The following KCNG3 variants were observed in gnomAD, a reference collection of about 807,000 sequenced individuals.
KCNG3 encodes potassium voltage-gated channel modifier subfamily G member 3, also known as voltage-gated potassium channel regulatory subunit KCNG3.
KCNG3 carries 15 observed loss-of-function variants against 29.0 expected under a neutral mutation model. That is an observed-to-expected ratio of 0.52 (90% CI 0.35 to 0.80). The LOEUF is 0.80. Ranked by LOEUF, KCNG3 falls within the 30% of genes least tolerant of loss-of-function variation. KCNG3 has a pLI of 0.01. For synonymous variants in KCNG3, 322 were observed against 248.9 expected (o/e 1.29, Z -2.76); for missense variants, 512 against 605.7 (o/e 0.85, Z 1.62).
chr2:42,447,288 A>G (rs562974882), intron 1 of KCNG3, among the ~76,000 whole-genome samples: 2 of 150,726 alleles, frequency 1.3e-5, no homozygotes, highest in East Asian at 3.9e-4. Flanking sequence ...ATATACATAC[A>G]GATACATACA....
the KCNG3 span, among the ~76,000 whole-genome samples, chr2:42,394,480 C>A: frequency 2.0e-5 from 3 of 152,342 alleles, no homozygotes; most frequent in South Asian, 6.2e-4. Context: ...GTCACACCTA[C>A]ACCCTTCTCA....
chr2:42,459,079 C>T (rs1672948244), intron 1 of KCNG3, among the ~76,000 whole-genome samples: 1 of 151,978 alleles, frequency 6.6e-6, no homozygotes, highest in South Asian at 2.1e-4. Flanking sequence ...GCCTGTAATC[C>T]CAGATACTCG....
chr2:42,395,420 G>A, the KCNG3 span, among the ~76,000 whole-genome samples: 1 of 152,142 alleles, frequency 6.6e-6, no homozygotes, highest in South Asian at 2.1e-4. Context: ...AAGGAGTTGG[G>A]GCCAGGCGCG....
intron 1 of KCNG3, chr2:42,463,862 G>A (rs1673079897): frequency 3.6e-6 from 1 of 277,546 alleles, no homozygotes; most frequent in Non-Finnish European, 7.2e-6. Context: ...AGTGTTGGCT[G>A]AGCCTAGTTT....
chr2:42,452,243 A>ATATATATATATTTTTTTTTT, intron 1 of KCNG3, among the ~76,000 whole-genome samples: 1 of 95,066 alleles, frequency 1.1e-5, no homozygotes. Context: ...ATATATATAT[A>ATATATATATATTTTTTTTTT]TTTTTTTTTT....
chr2:42,477,014 T>A (rs1673442967), intron 1 of KCNG3, among the ~76,000 whole-genome samples: 1 of 141,634 alleles, frequency 7.1e-6, no homozygotes, highest in African/African-American at 2.6e-5. Context: ...TGAAACCCCG[T>A]CTCTACTAAA....
chr2:42,473,352 T>A (rs1201211671), intron 1 of KCNG3, among the ~76,000 whole-genome samples: 1 of 151,966 alleles, frequency 6.6e-6, no homozygotes. Context: ...TGTTTCTTTT[T>A]TTTTTGTTTG....
chr2:42,395,273 A>C, the KCNG3 span, among the ~76,000 whole-genome samples: 2 of 152,204 alleles, frequency 1.3e-5, no homozygotes, highest in African/African-American at 2.4e-5. Flanking sequence ...AGTTCCAAGA[A>C]AGTTGAGTGA....
chr2:42,468,680 C>T (rs951950669), intron 1 of KCNG3, among the ~76,000 whole-genome samples: 7 of 151,994 alleles, frequency 4.6e-5, no homozygotes, highest in African/African-American at 1.2e-4. Flanking sequence ...TCAGGCTGGG[C>T]GCAGTGTCTC....
intron 1 of KCNG3, among the ~76,000 whole-genome samples, chr2:42,472,951 G>C (rs1673328372): frequency 6.9e-6 from 1 of 145,950 alleles, no homozygotes; most frequent in Non-Finnish European, 1.5e-5. Context: ...GCCCAGGCTG[G>C]AGTGCAGTGG....
At chr2:42,390,651 T>C in the KCNG3 span, among the ~76,000 whole-genome samples, 1 of 152,218 alleles carries the variant, frequency 6.6e-6, no homozygotes, top group Non-Finnish European at 1.5e-5. Context: ...ATTTTGATCA[T>C]GTGGACTTAT....
At chr2:42,479,219 C>A (rs1312773300) in intron 1 of KCNG3, among the ~76,000 whole-genome samples, 1 of 152,148 alleles carries the variant, frequency 6.6e-6, no homozygotes, top group East Asian at 1.9e-4. Flanking sequence ...GCTAAACTTT[C>A]TTTCTCTAGG....
intron 1 of KCNG3, among the ~76,000 whole-genome samples, chr2:42,476,859 G>A (rs1247777071): frequency 6.6e-6 from 1 of 150,962 alleles, no homozygotes; most frequent in Non-Finnish European, 1.5e-5. Context: ...TGTTGCCCAT[G>A]ATTAGAGTCA....
chr2:42,488,087 T>G (rs1038455058), intron 1 of KCNG3, among the ~76,000 whole-genome samples: 2 of 152,202 alleles, frequency 1.3e-5, no homozygotes, highest in Non-Finnish European at 2.9e-5. Context: ...TTTGGTTACA[T>G]CTAGGGAAAA....
intron 1 of KCNG3, among the ~76,000 whole-genome samples, chr2:42,485,372 C>CA (rs1243557381): frequency 6.6e-6 from 1 of 151,254 alleles, no homozygotes; most frequent in African/African-American, 2.4e-5. Context: ...CAAAAGGGAC[C>CA]AAAAAACAAA....
chr2:42,425,444 G>C, the KCNG3 span, among the ~76,000 whole-genome samples: 2 of 151,526 alleles, frequency 1.3e-5, no homozygotes, highest in African/African-American at 2.4e-5. Context: ...TTTCCTCCAG[G>C]AAGTGGGGAT....
chr2:42,418,017 A>C, the KCNG3 span, among the ~76,000 whole-genome samples: 1 of 151,686 alleles, frequency 6.6e-6, no homozygotes, highest in East Asian at 1.9e-4. Flanking sequence ...AATAAATAAA[A>C]TATATATATA....
Position 42,493,057 on chromosome 2 carries a change from G to C in KCNG3, c.445C>G (p.Pro149Ala). Reference sequence around the variant, plus strand: ...ATGCGCTCCAGCCAGCGCCTGGAGGGAGCCGCCTCGGCCCCGCCGGGGCGC... The same window carrying C: ...ATGCGCTCCAGCCAGCGCCTGGAGGCAGCCGCCTCGGCCCCGCCGGGGCGC... ...EARPGGAEAA[P>A]SRRWLERMRR... Residue 149 changes from proline (P) to alanine (A), a missense_variant, in exon 1 of 2, where the codon CCC becomes GCC. Around this residue, in one of 5 missense-constraint regions of KCNG3, gnomAD observed 228 missense variants for 200.0 expected, o/e 1.14. Transcript: ENST00000306078. The C allele has an allele frequency of 2.0e-6, 3 of 1,527,694 alleles. No homozygotes were observed. Among genetic ancestry groups the C allele is most frequent in the Non-Finnish European group, 1.8e-6 (2 of 1,141,890 alleles). 94.6% of individuals were successfully genotyped at this position (1,527,694 alleles called of 1,614,324 possible).
intron 1 of KCNG3, among the ~76,000 whole-genome samples, chr2:42,453,017 G>C (rs910474550): frequency 9.9e-5 from 15 of 152,266 alleles, no homozygotes; most frequent in Admixed American, 3.3e-4. Flanking sequence ...CCTGACCTCA[G>C]GCAATCTGCC....
Sources: allele counts gnomAD v4.1 joint callset (sites outside exome capture counted in the v4.1 genomes callset), GRCh38; gene constraint gnomAD v4.1.1; regional missense constraint gnomAD v4.1.1; transcripts MANE v1.5; gene names NCBI Gene and HGNC (gene_info 2026-07-23, HGNC 2026-07-21).